LINGO2: variants seen among roughly 807,000 people sequenced by gnomAD.
LINGO2 encodes the protein leucine rich repeat and Ig domain containing 2, also known as leucine-rich repeat and immunoglobulin-like domain-containing nogo receptor-interacting protein 2.
LINGO2 carries 14 observed loss-of-function variants against 30.6 expected under a neutral mutation model. The observed-to-expected ratio is 0.46, with a 90% CI of 0.30 to 0.72. The LOEUF (loss-of-function observed/expected upper bound fraction) is 0.72, where lower values mean the gene tolerates loss of function less well. Among genes scored for constraint, LINGO2 ranks in the 30% least tolerant of loss-of-function variants. The probability of loss-of-function intolerance (pLI) is 0.07; values close to 1 mark genes in which losing one functional copy is unlikely to be tolerated. For missense variants in LINGO2, 729 were observed against 751.7 expected (o/e 0.97, Z 0.35); for synonymous variants, 317 against 288.5 (o/e 1.10, Z -1.00).
intron 5 of LINGO2, among the ~76,000 whole-genome samples, chr9:27,998,664 C>G (rs761215589): frequency 6.6e-6 from 1 of 152,096 alleles, no homozygotes. Flanking sequence ...ACCTATAATC[C>G]CAGCTACTTG....
At chr9:28,207,487 G>A (rs901723807) in intron 4 of LINGO2, among the ~76,000 whole-genome samples, 3 of 152,048 alleles carry the variant, frequency 2.0e-5, no homozygotes, top group Non-Finnish European at 4.4e-5. Flanking sequence ...CTTACAATGA[G>A]AAGGTACTGG....
chr9:28,628,822 G>A (rs1454514705), intron 1 of LINGO2, among the ~76,000 whole-genome samples: 1 of 151,998 alleles, frequency 6.6e-6, no homozygotes, highest in East Asian at 1.9e-4. Context: ...GTAATGTAAT[G>A]ATTTTGTACT....
chr9:28,855,305 A>T, the LINGO2 span, among the ~76,000 whole-genome samples: 4 of 152,164 alleles, frequency 2.6e-5, no homozygotes, highest in African/African-American at 9.6e-5. Context: ...GAATATAGGT[A>T]AATGGATTTT....
the LINGO2 span, among the ~76,000 whole-genome samples, chr9:29,035,687 A>C: frequency 2.8e-4 from 42 of 151,714 alleles, 1 homozygote; most frequent in South Asian, 4.2e-4. Flanking sequence ...GAAGAGAGGA[A>C]AGGAAAATAA....
At chr9:28,811,462 T>C in the LINGO2 span, among the ~76,000 whole-genome samples, 2 of 152,164 alleles carry the variant, frequency 1.3e-5, no homozygotes, top group South Asian at 4.1e-4. Context: ...ATCGAATATC[T>C]TCTTATTAAA....
At chr9:28,887,777 A>G in the LINGO2 span, among the ~76,000 whole-genome samples, 2 of 152,168 alleles carry the variant, frequency 1.3e-5, no homozygotes, top group African/African-American at 4.8e-5. Context: ...GTGATTGACG[A>G]TACTTCTGTC....
chr9:28,968,669 T>A, the LINGO2 span, among the ~76,000 whole-genome samples: 1 of 152,150 alleles, frequency 6.6e-6, no homozygotes, highest in Non-Finnish European at 1.5e-5. Flanking sequence ...AGAGAATGAA[T>A]TAGATCTCAG....
the LINGO2 span, among the ~76,000 whole-genome samples, chr9:28,877,375 A>G: frequency 6.8e-6 from 1 of 147,936 alleles, no homozygotes; most frequent in Non-Finnish European, 1.5e-5. Flanking sequence ...TAGGGTTTTT[A>G]TGGTTTTAGG....
At chr9:28,831,349 T>C in the LINGO2 span, among the ~76,000 whole-genome samples, 2 of 152,166 alleles carry the variant, frequency 1.3e-5, no homozygotes, top group African/African-American at 4.8e-5. Context: ...AGGAAAATTT[T>C]AACAGACAGA....
intron 1 of LINGO2, among the ~76,000 whole-genome samples, chr9:28,515,167 TAGTTTTGACTTTCA>T (rs769150761): frequency 3.1e-4 from 47 of 151,698 alleles, no homozygotes; most frequent in Non-Finnish European, 6.5e-4. Flanking sequence ...GATCAAGGAG[TAGTTTTGACTTTCA>T]AGTCTTATTT....
At position 28,103,031 on chromosome 9, in the gene LINGO2, A is replaced by C. The variant is rs992913; in HGVS notation, c.-86-90626T>G. Among the ~76,000 whole-genome samples, 190 of 152,222 alleles carry C rather than the reference A, an allele frequency of 1.2e-3. 4 individuals are homozygous for C. Among genetic ancestry groups the C allele is most frequent in the African/African-American group, 4.5e-3 (185 of 41,550 alleles). On this transcript the variant is annotated intron_variant, in intron 4 of 5. Transcript: ENST00000379992. ...AATTTTCTTTGGTTTGCCTCACTACATTTTCTACTCAGCTTGATTCAAAAC... is the reference window on the plus strand; with the variant it reads ...AATTTTCTTTGGTTTGCCTCACTACCTTTTCTACTCAGCTTGATTCAAAAC...
chr9:28,396,912 G>A (rs147891277), intron 2 of LINGO2, among the ~76,000 whole-genome samples: 1 of 151,968 alleles, frequency 6.6e-6, no homozygotes, highest in African/African-American at 2.4e-5. Context: ...TAAGAGTTCA[G>A]ATTTACTCTA....
At chr9:28,278,735 T>C (rs1163932048) in intron 4 of LINGO2, among the ~76,000 whole-genome samples, 1 of 152,212 alleles carries the variant, frequency 6.6e-6, no homozygotes, top group South Asian at 2.1e-4. Flanking sequence ...AAGAATAATG[T>C]TGTTTTCATG....
At chr9:28,361,512 A>G (rs72711410) in intron 3 of LINGO2, among the ~76,000 whole-genome samples, 2,458 of 151,918 alleles carry the variant, frequency 0.016, 25 homozygotes, top group Non-Finnish European at 0.026. Context: ...ATTCTATTTC[A>G]TTTTATTATA....
chr9:28,742,602 A>T, the LINGO2 span, among the ~76,000 whole-genome samples: 1 of 151,738 alleles, frequency 6.6e-6, no homozygotes, highest in East Asian at 1.9e-4. Flanking sequence ...ATACATACTA[A>T]ATCTATATCT....
At chr9:28,886,514 G>T in the LINGO2 span, among the ~76,000 whole-genome samples, 3 of 152,076 alleles carry the variant, frequency 2.0e-5, no homozygotes, top group Non-Finnish European at 4.4e-5. Context: ...TTTAATTAGA[G>T]TCTTACCTTC....
At position 28,657,791 on chromosome 9, in the gene LINGO2, T is replaced by A. The variant is rs557940934; in HGVS notation, c.-365+12409A>T. ...TATTTATTATTTTCTTACTTCTAGA[T>A]TTGGGTTTTGTTTGTTCTTCTTTTT... On this transcript the variant is annotated intron_variant, in intron 1 of 5. Coordinates refer to ENST00000379992, the Ensembl canonical transcript of LINGO2. 7.2e-5 allele frequency among the ~76,000 whole-genome samples: 11 copies of A among 152,108 alleles called. No homozygotes were observed. In the East Asian group the frequency reaches 7.7e-4, roughly 11 times the overall value.
intron 4 of LINGO2, among the ~76,000 whole-genome samples, chr9:28,272,250 G>A (rs921247080): frequency 2.0e-5 from 3 of 152,036 alleles, no homozygotes; most frequent in African/African-American, 7.2e-5. Flanking sequence ...AGAACAGATC[G>A]TGTTCCTCTT....
At chr9:28,527,517 A>G (rs913234331) in intron 1 of LINGO2, among the ~76,000 whole-genome samples, 1 of 152,000 alleles carries the variant, frequency 6.6e-6, no homozygotes, top group African/African-American at 2.4e-5. Context: ...ATTCTTCACC[A>G]AGGTCCATCT....
Sources: allele counts gnomAD v4.1 joint callset (sites outside exome capture counted in the v4.1 genomes callset), GRCh38; gene constraint gnomAD v4.1.1; transcripts MANE v1.5; gene names NCBI Gene and HGNC (gene_info 2026-07-23, HGNC 2026-07-21).